Variants in CALU observed in about 807,000 individuals in gnomAD.
CALU encodes the protein calumenin.
Under a neutral mutation model 37.5 loss-of-function variants are expected in CALU, and 13 were observed. The ratio of observed to expected loss-of-function variants is 0.35; its 90% CI spans 0.23 to 0.55. CALU has a LOEUF of 0.55. CALU is among the 20% of genes least tolerant of loss of function. The pLI, the probability that CALU is intolerant of heterozygous loss-of-function variation, is 0.89. For missense variants in CALU, 282 were observed against 391.7 expected (o/e 0.72, Z 2.36); for synonymous variants, 114 against 133.8 (o/e 0.85, Z 1.02).
At position 128,772,728 on chromosome 7, in the gene CALU, T is replaced by C; in HGVS notation, c.*3561T>C. 1 of 1,599,884 alleles carries C rather than the reference T, an allele frequency of 6.3e-7. No homozygotes were observed. Among genetic ancestry groups the C allele is most frequent in the Non-Finnish European group, 8.6e-7 (1 of 1,167,568 alleles). Reference sequence around the variant, plus strand: ...AAGTATGGGAAAAAAGACCTTATTCTCTGTATCACCAAAGCCTTGCACAAT... The same window carrying C: ...AAGTATGGGAAAAAAGACCTTATTCCCTGTATCACCAAAGCCTTGCACAAT... On this transcript the variant is annotated 3_prime_UTR_variant, in exon 7 of 7. Transcript: ENST00000249364.
chr7:128,749,492 C>T (rs1472460601), intron 2 of CALU, among the ~76,000 whole-genome samples: 1 of 152,078 alleles, frequency 6.6e-6, no homozygotes, highest in African/African-American at 2.4e-5. Flanking sequence ...TTGGTCCTTC[C>T]AAAGCCTTCC....
At chr7:128,766,393 C>T (rs1372247765) in intron 5 of CALU, among the ~76,000 whole-genome samples, 1 of 148,280 alleles carries the variant, frequency 6.7e-6, no homozygotes, top group East Asian at 2.0e-4. Context: ...CAGGCATTTG[C>T]ATTCTCAAGA....
intron 5 of CALU, 139 bp downstream of exon 5, chr7:128,759,991 T>TC: frequency 1.8e-6 from 1 of 560,264 alleles, no homozygotes; most frequent in South Asian, 1.9e-5. Flanking sequence ...AGGTCAGGAG[T>TC]CCAAGTCCAG....
At chr7:128,765,413 G>A (rs189657351) in intron 5 of CALU, among the ~76,000 whole-genome samples, 13 of 152,238 alleles carry the variant, frequency 8.5e-5, no homozygotes, top group Non-Finnish European at 1.5e-4. Flanking sequence ...TAGGGATTTT[G>A]CCATGTTGTC....
At chr7:128,756,449 T>C (rs1800886361) in intron 3 of CALU, among the ~76,000 whole-genome samples, 2 of 152,280 alleles carry the variant, frequency 1.3e-5, no homozygotes, top group Non-Finnish European at 2.9e-5. Context: ...CCCAGAGGCA[T>C]GAGGGTGGAC....
At chr7:128,743,460 T>C (rs1476511636) in intron 1 of CALU, among the ~76,000 whole-genome samples, 1 of 152,198 alleles carries the variant, frequency 6.6e-6, no homozygotes, top group African/African-American at 2.4e-5. Flanking sequence ...AAGTGATCTG[T>C]ACCTATTCCT....
chr7:128,744,649 G>A (rs575419370), intron 1 of CALU, among the ~76,000 whole-genome samples: 5 of 152,102 alleles, frequency 3.3e-5, no homozygotes, highest in Non-Finnish European at 5.9e-5. Flanking sequence ...AGGAAGCCAG[G>A]TTTCAGGGTA....
intron 1 of CALU, among the ~76,000 whole-genome samples, chr7:128,747,215 G>A (rs1467958942): frequency 6.6e-6 from 1 of 152,080 alleles, no homozygotes; most frequent in South Asian, 2.1e-4. Flanking sequence ...CTGTAAATGT[G>A]GGTATTTTGA....
Position 128,772,727 on chromosome 7 carries a change from C to T in CALU, c.*3560C>T. 6.2e-7 allele frequency: 1 copy of T among 1,600,158 alleles called. No homozygotes were observed. The highest frequency in any genetic ancestry group is 8.6e-7 in the Non-Finnish European group (1 of 1,167,832). On this transcript the variant is annotated 3_prime_UTR_variant, in exon 7 of 7. Coordinates refer to ENST00000249364, the MANE Select transcript of CALU (RefSeq NM_001219.5). ...GAAGTATGGGAAAAAAGACCTTATT[C>T]TCTGTATCACCAAAGCCTTGCACAA...
rs965327086 is a variant in CALU, at chr7:128,770,593, G to C, written c.*1426G>C. Reference sequence around the variant, plus strand: ...CCCGCTGCCAAAAAAAAAAAAAAAGGAAACGTTTATCATGAATCAACAGGG... The same window carrying C: ...CCCGCTGCCAAAAAAAAAAAAAAAGCAAACGTTTATCATGAATCAACAGGG... On this transcript the variant is annotated 3_prime_UTR_variant, in exon 7 of 7. Coordinates refer to ENST00000249364, the MANE Select transcript of CALU (RefSeq NM_001219.5). The C allele has an allele frequency of 6.8e-6, 1 of 147,896 alleles. No individual in the cohort carries two copies. The highest frequency in any genetic ancestry group is 2.5e-5 in the African/African-American group (1 of 39,746). The allele number at this position is 147,896 out of a possible 1,614,324, so 9.2% of individuals were successfully genotyped here. A position where few individuals can be genotyped will look rare whatever the true frequency, so the allele number is the denominator to read the frequency against.
chr7:128,754,714 C>T (rs753004112), intron 3 of CALU: 4 of 1,548,968 alleles, frequency 2.6e-6, no homozygotes, highest in Non-Finnish European at 3.5e-6. Flanking sequence ...ACTTATGGCA[C>T]TTACCTGGGT....
intron 2 of CALU, among the ~76,000 whole-genome samples, chr7:128,751,847 G>A (rs1472745475): frequency 6.6e-6 from 1 of 152,198 alleles, no homozygotes; most frequent in African/African-American, 2.4e-5. Context: ...TTTGCTTTAT[G>A]CTCCTTGAAA....
At chr7:128,760,085 C>T (rs1255646460) in intron 5 of CALU, among the ~76,000 whole-genome samples, 1 of 152,182 alleles carries the variant, frequency 6.6e-6, no homozygotes, top group Non-Finnish European at 1.5e-5. Flanking sequence ...GTAATCCCAG[C>T]TACTCAGGAG....
In CALU at chr7:128,770,408, C is replaced by T. The variant is rs879673514; in HGVS notation, c.*1241C>T. On this transcript the variant is annotated 3_prime_UTR_variant, in exon 7 of 7. Coordinates refer to ENST00000249364, the MANE Select transcript of CALU (RefSeq NM_001219.5). Reference sequence around the variant, plus strand: ...CCAGGGATCCTCATACCTCACAATGCAAACCACTTACTACCAGGCCTTTTT... The same window carrying T: ...CCAGGGATCCTCATACCTCACAATGTAAACCACTTACTACCAGGCCTTTTT... The T allele has an allele frequency of 1.3e-5, 2 of 152,588 alleles. No individual in the cohort carries two copies. Among genetic ancestry groups the T allele is most frequent in the Admixed American group, 6.5e-5 (1 of 15,280 alleles). 9.5% of individuals were successfully genotyped at this position (152,588 alleles called of 1,614,324 possible).
At chr7:128,749,443 A>G (rs924048336) in intron 2 of CALU, among the ~76,000 whole-genome samples, 1 of 152,238 alleles carries the variant, frequency 6.6e-6, no homozygotes, top group Non-Finnish European at 1.5e-5. Flanking sequence ...GTAGAATCCC[A>G]GTTGATTATT....
intron 2 of CALU, among the ~76,000 whole-genome samples, chr7:128,751,502 G>A (rs1057267737): frequency 2.6e-5 from 4 of 152,084 alleles, no homozygotes; most frequent in African/African-American, 9.7e-5. Flanking sequence ...TGAAGCAGGA[G>A]GATTGCTTGA....
chr7:128,747,597 G>A (rs1297945838), intron 1 of CALU: 1 of 151,742 alleles, frequency 6.6e-6, no homozygotes, highest in African/African-American at 2.4e-5. Context: ...AGTGATGAAA[G>A]AAAAAATGTA....
chr7:128,755,255 C>T (rs776854122), intron 3 of CALU, among the ~76,000 whole-genome samples: 1 of 132,184 alleles, frequency 7.6e-6, no homozygotes, highest in Non-Finnish European at 1.5e-5. Flanking sequence ...GAGGCAGCTG[C>T]GAGCCATGAT....
intron 3 of CALU, among the ~76,000 whole-genome samples, chr7:128,756,912 C>CA (rs930483582): frequency 2.6e-5 from 4 of 151,620 alleles, no homozygotes; most frequent in African/African-American, 7.3e-5. Flanking sequence ...CCCGTCTTTA[C>CA]AAAAAAAATA....
Sources: allele counts gnomAD v4.1 joint callset (sites outside exome capture counted in the v4.1 genomes callset), GRCh38; gene constraint gnomAD v4.1.1; transcripts MANE v1.5; gene names NCBI Gene and HGNC (gene_info 2026-07-23, HGNC 2026-07-21).